Variants in KCNC2 observed in about 807,000 individuals in gnomAD.
KCNC2 encodes voltage-gated potassium channel KCNC2.
KCNC2 carries 21 observed loss-of-function variants against 44.5 expected under a neutral mutation model. That is an observed-to-expected ratio of 0.47 (90% confidence interval 0.33 to 0.68). The LOEUF is 0.68. Among genes scored for constraint, KCNC2 ranks in the 30% least tolerant of loss-of-function variants. KCNC2 has a pLI of 0.01. For missense variants in KCNC2, 589 were observed against 826.2 expected (o/e 0.71, Z 3.52); for synonymous variants, 391 against 339.1 (o/e 1.15, Z -1.68).
At chr12:75,101,636 G>A (rs1886381646) in intron 2 of KCNC2, among the ~76,000 whole-genome samples, 1 of 151,956 alleles carries the variant, frequency 6.6e-6, no homozygotes, top group African/African-American at 2.4e-5. Context: ...ATATACTTCT[G>A]CCTTAGGAAA....
chr12:75,118,094 A>T (rs1887803527), intron 2 of KCNC2, among the ~76,000 whole-genome samples: 1 of 152,214 alleles, frequency 6.6e-6, no homozygotes. Flanking sequence ...AAGCAATGGC[A>T]TTTTTAGAGC....
intron 2 of KCNC2, among the ~76,000 whole-genome samples, chr12:75,162,921 C>G (rs1411304779): frequency 3.3e-5 from 5 of 151,722 alleles, no homozygotes; most frequent in Non-Finnish European, 7.4e-5. Flanking sequence ...CTCTTTATTT[C>G]CTGTACTTTA....
chr12:75,102,848 A>T (rs1479243397), intron 2 of KCNC2, among the ~76,000 whole-genome samples: 1 of 151,996 alleles, frequency 6.6e-6, no homozygotes, highest in Non-Finnish European at 1.5e-5. Flanking sequence ...AGAGCTTTTA[A>T]CAGGGAAACC....
intron 2 of KCNC2, among the ~76,000 whole-genome samples, chr12:75,096,518 A>G (rs187163016): frequency 2.6e-5 from 4 of 152,186 alleles, no homozygotes; most frequent in African/African-American, 9.6e-5. Flanking sequence ...CATTGAGTAT[A>G]GGAAAAATCA....
chr12:75,057,796 T>TA (rs891243468), intron 2 of KCNC2, among the ~76,000 whole-genome samples: 52 of 151,594 alleles, frequency 3.4e-4, no homozygotes, highest in African/African-American at 9.9e-4. Flanking sequence ...ACTTCTAACA[T>TA]AAAAAAAATA....
chr12:75,050,402 G>A lies in KCNC2; in HGVS notation c.1603C>T (p.His535Tyr). The A allele has an allele frequency of 6.2e-7, 1 of 1,609,282 alleles. No individual in the cohort carries two copies. Among genetic ancestry groups the A allele is most frequent in the Non-Finnish European group, 8.5e-7 (1 of 1,176,936 alleles). Reference protein sequence around the residue: ...CLGKDNRLLEHNRSVLSGDDS... With the variant: ...CLGKDNRLLEYNRSVLSGDDS... Reference sequence around the variant, plus strand: ...AGTCCTGCCTTACCTGATCTGTTATGTTCCAGAAGTCGATTGTCTTTGCCC... The same window carrying A: ...AGTCCTGCCTTACCTGATCTGTTATATTCCAGAAGTCGATTGTCTTTGCCC... Residue 535 changes from histidine (H) to tyrosine (Y), a missense_variant, in exon 3 of 5, where the codon CAT becomes TAT. Coordinates refer to ENST00000549446, the MANE Select transcript of KCNC2 (RefSeq NM_139137.4).
intron 2 of KCNC2, among the ~76,000 whole-genome samples, chr12:75,069,521 A>T (rs1883187403): frequency 6.6e-6 from 1 of 152,042 alleles, no homozygotes; most frequent in African/African-American, 2.4e-5. Flanking sequence ...GCAGACTAAG[A>T]TTTCACCATA....
chr12:75,165,210 T>C (rs2137545744), intron 2 of KCNC2, among the ~76,000 whole-genome samples: 1 of 151,714 alleles, frequency 6.6e-6, no homozygotes, highest in South Asian at 2.1e-4. Flanking sequence ...GTGTATTTTA[T>C]GTAAGCATAC....
At chr12:75,081,067 T>C (rs2137078911) in intron 2 of KCNC2, among the ~76,000 whole-genome samples, 1 of 148,222 alleles carries the variant, frequency 6.7e-6, no homozygotes, top group Non-Finnish European at 1.5e-5. Context: ...TACTATTTCC[T>C]GTAATTTATG....
intron 2 of KCNC2, among the ~76,000 whole-genome samples, chr12:75,202,132 G>T (rs1401033565): frequency 2.0e-5 from 3 of 151,824 alleles, no homozygotes; most frequent in Non-Finnish European, 4.4e-5. Flanking sequence ...TACTGACAAA[G>T]ATAAAAAACT....
chr12:75,181,738 A>G (rs902157863), intron 2 of KCNC2, among the ~76,000 whole-genome samples: 1 of 151,970 alleles, frequency 6.6e-6, no homozygotes, highest in African/African-American at 2.4e-5. Context: ...ATTAACCTCA[A>G]CAGATCTCAA....
intron 2 of KCNC2, among the ~76,000 whole-genome samples, chr12:75,193,448 G>C (rs2030485816): frequency 6.6e-6 from 1 of 152,124 alleles, no homozygotes; most frequent in Non-Finnish European, 1.5e-5. Context: ...CTGGCTATGG[G>C]ACAACTGCTC....
rs2137827679 is a variant in KCNC2, at chr12:75,207,474, C to G, written c.510G>C (p.Glu170Asp). The G allele has an allele frequency of 6.2e-7, 1 of 1,612,492 alleles. No individual in the cohort carries two copies. Among genetic ancestry groups the G allele is most frequent in the East Asian group, 2.2e-5 (1 of 44,834 alleles). ...GGTCGCCGCCAATGAGGTCGGGGGT[C>G]TCGAAGATGTCCAGCGCCTCCTCGG... is the stretch of plus-strand genomic sequence containing the variant. ...RDAEEALDIF[E>D]TPDLIGGDPG... Residue 170 changes from glutamate to aspartate, a missense_variant, in exon 2 of 5, where the codon GAG becomes GAC. Physicochemically the swap from Glu to Asp is conservative, Grantham distance 45. This residue lies in a region of KCNC2 where 97 missense variants were observed against 73.3 expected (regional missense o/e 1.32). Transcript: ENST00000549446. The surrounding 1 kb of genome is among the most constrained non-coding windows in gnomAD (Gnocchi z 4.1).
At position 75,136,994 on chromosome 12, in the gene KCNC2, C is replaced by T. The variant is rs995477931; in HGVS notation, c.687+70303G>A. 9.2e-5 allele frequency among the ~76,000 whole-genome samples: 14 copies of T among 152,252 alleles called. No individual in the cohort carries two copies. In the South Asian group the frequency reaches 2.9e-3, roughly 32 times the overall value. ...TCCTTGTCAAATTTGCAATTATAACCTGCTCTATTTTCCTCTTATTCCTTC... is the reference window on the plus strand; with the variant it reads ...TCCTTGTCAAATTTGCAATTATAACTTGCTCTATTTTCCTCTTATTCCTTC... On this transcript the variant is annotated intron_variant, in intron 2 of 4. Transcript: ENST00000549446.
intron 2 of KCNC2, among the ~76,000 whole-genome samples, chr12:75,067,000 C>T (rs1050737460): frequency 6.6e-5 from 10 of 151,996 alleles, no homozygotes; most frequent in African/African-American, 9.7e-5. Flanking sequence ...TCCAGGAGTT[C>T]GAGACCAGCC....
intron 2 of KCNC2, among the ~76,000 whole-genome samples, chr12:75,195,434 C>T (rs2030677614): frequency 1.3e-5 from 2 of 152,022 alleles, no homozygotes; most frequent in South Asian, 4.2e-4. Context: ...ACTCATGAGC[C>T]AGATACCCAA....
intron 2 of KCNC2, among the ~76,000 whole-genome samples, chr12:75,137,857 T>C (rs1416170398): frequency 1.3e-5 from 2 of 152,202 alleles, no homozygotes; most frequent in Non-Finnish European, 2.9e-5. Context: ...GATTTAACCT[T>C]GATACAAAAG....
chr12:75,051,476 T>C (rs1881166269), intron 2 of KCNC2, among the ~76,000 whole-genome samples, 159 bp from the exon 3 acceptor site: 1 of 152,162 alleles, frequency 6.6e-6, no homozygotes, highest in Non-Finnish European at 1.5e-5. Flanking sequence ...TACATGTATG[T>C]AACATTAATT....
intron 2 of KCNC2, among the ~76,000 whole-genome samples, chr12:75,060,793 T>C (rs1490527960): frequency 6.6e-6 from 1 of 152,136 alleles, no homozygotes; most frequent in African/African-American, 2.4e-5. Flanking sequence ...TAATATGTTA[T>C]TCAAGAATTC....
Sources: gnomAD v4.1 joint callset for allele counts (sites outside exome capture counted in the v4.1 genomes callset) on GRCh38, gnomAD v4.1.1 for gene constraint, gnomAD v4.1.1 regional missense constraint, Gnocchi (gnomAD v3.1) non-coding constraint, MANE v1.5 for transcripts, NCBI Gene and HGNC (gene_info 2026-07-23, HGNC 2026-07-21) for gene names.